Variants in NBAS observed in about 807,000 individuals in gnomAD.
The protein encoded by NBAS is NAG/BC035112 fusion.
Under a neutral mutation model 302.5 loss-of-function variants are expected in NBAS, and 219 were observed. The observed-to-expected ratio is 0.72, with a 90% CI of 0.65 to 0.81. NBAS has a LOEUF of 0.81. Among genes scored for constraint, NBAS ranks in the 30% least tolerant of loss-of-function variants. The probability of loss-of-function intolerance (pLI) is 0.00; values close to 1 mark genes in which losing one functional copy is unlikely to be tolerated. For missense variants in NBAS, 2,932 were observed against 2,841.6 expected, an observed-to-expected ratio of 1.03 and a Z score of -0.72; for synonymous variants, 1,118 against 1,021.6, an observed-to-expected ratio of 1.09 and a Z score of -1.80.
intron 38 of NBAS, among the ~76,000 whole-genome samples, chr2:15,310,122 T>G (rs1360992555): frequency 6.6e-6 from 1 of 152,238 alleles, no homozygotes; most frequent in Non-Finnish European, 1.5e-5. Context: ...ACCCTCCCAA[T>G]TATGTCTTAC....
chr2:14,877,765 TATTA>T, the NBAS span, among the ~76,000 whole-genome samples: 1 of 152,216 alleles, frequency 6.6e-6, no homozygotes, highest in Non-Finnish European at 1.5e-5. Flanking sequence ...CAGACACTAC[TATTA>T]ATTAAGTCCT....
chr2:14,850,870 T>C, the NBAS span, among the ~76,000 whole-genome samples: 2 of 123,968 alleles, frequency 1.6e-5, no homozygotes, highest in Non-Finnish European at 3.2e-5. Context: ...AAAGATGTTC[T>C]TTGAAACCAA....
the NBAS span, among the ~76,000 whole-genome samples, chr2:14,861,223 T>C: frequency 6.6e-6 from 1 of 152,236 alleles, no homozygotes; most frequent in Non-Finnish European, 1.5e-5. Flanking sequence ...ACAATGAATC[T>C]AATTCAGATA....
intron 21 of NBAS, among the ~76,000 whole-genome samples, chr2:15,448,806 T>C (rs1455037684): frequency 6.6e-6 from 1 of 152,050 alleles, no homozygotes; most frequent in Admixed American, 6.6e-5. Context: ...TATCAGAAAT[T>C]AGAAAAAGGG....
At chr2:15,204,850 G>A (rs1666064936) in intron 48 of NBAS, among the ~76,000 whole-genome samples, 1 of 152,002 alleles carries the variant, frequency 6.6e-6, no homozygotes, top group African/African-American at 2.4e-5. Flanking sequence ...CATACACTGG[G>A]GCCTGTCATG....
chr2:14,898,935 G>C, the NBAS span, among the ~76,000 whole-genome samples: 3 of 152,264 alleles, frequency 2.0e-5, no homozygotes, highest in Non-Finnish European at 2.9e-5. Context: ...CGTTTCTGTA[G>C]TTTGGGAACT....
In NBAS at chr2:15,328,247, C is replaced by T; in HGVS notation, c.4413G>A (p.Gly1471=). 2 of 1,613,948 alleles carry T rather than the reference C, an allele frequency of 1.2e-6. No individual in the cohort carries two copies. The highest frequency in any genetic ancestry group is 1.7e-6 in the Non-Finnish European group (2 of 1,179,916). Reference sequence around the variant, plus strand: ...TGACAGATTCATAAAAAGGATGACACCCTTGTTTCTCTAGATCTTCATTGG... The same window carrying T: ...TGACAGATTCATAAAAAGGATGACATCCTTGTTTCTCTAGATCTTCATTGG... ...TTANEDLEKQ[G]CHPFYESVIS... Residue 1471 remains glycine, a synonymous_variant, in exon 37 of 52, where the codon GGG becomes GGA. Transcript: ENST00000281513.
chr2:15,195,377 C>T (rs1391112863), intron 48 of NBAS, among the ~76,000 whole-genome samples: 4 of 152,208 alleles, frequency 2.6e-5, no homozygotes, highest in Admixed American at 2.6e-4. Flanking sequence ...GGGTTATATA[C>T]ATACTGTCTG....
the NBAS span, among the ~76,000 whole-genome samples, chr2:14,797,131 C>T: frequency 1.4e-4 from 21 of 145,132 alleles, no homozygotes; most frequent in East Asian, 3.4e-3. Context: ...ACAGACTCAG[C>T]CACTGGGGGA....
intron 32 of NBAS, among the ~76,000 whole-genome samples, chr2:15,358,123 G>A (rs1445591457): frequency 6.6e-6 from 1 of 152,054 alleles, no homozygotes; most frequent in Non-Finnish European, 1.5e-5. Flanking sequence ...AGGTAACTAT[G>A]GCAACCAAAT....
intron 38 of NBAS, among the ~76,000 whole-genome samples, chr2:15,317,645 C>T (rs1671577907): frequency 6.6e-6 from 1 of 151,988 alleles, no homozygotes; most frequent in Admixed American, 6.6e-5. Flanking sequence ...GGAAGAGTAT[C>T]AGTGATTGAA....
the NBAS span, among the ~76,000 whole-genome samples, chr2:14,840,142 T>G: frequency 1.3e-5 from 2 of 151,630 alleles, no homozygotes; most frequent in African/African-American, 2.4e-5. Context: ...TTTGCCAAAT[T>G]GAAAAATTAA....
At chr2:15,518,066 G>C (rs1356471667) in intron 9 of NBAS, among the ~76,000 whole-genome samples, 1 of 135,110 alleles carries the variant, frequency 7.4e-6, no homozygotes. Flanking sequence ...TTAAAAAGAA[G>C]AACATCAAGA....
the NBAS span, among the ~76,000 whole-genome samples, chr2:15,147,657 A>G: frequency 6.6e-6 from 1 of 152,112 alleles, no homozygotes; most frequent in Non-Finnish European, 1.5e-5. Context: ...CCTAATTTGT[A>G]GCTAATTGAT....
At position 15,427,835 on chromosome 2, in the gene NBAS, C is replaced by G. The variant is rs946750646; in HGVS notation, c.2340-41G>C. ...AAATAAGTGTTTAAAATTCACATTA[C>G]CTCAATGACTTAGCCACACAAGGAG... On this transcript the variant is annotated intron_variant, in intron 21 of 51. Coordinates refer to ENST00000281513, the MANE Select transcript of NBAS (RefSeq NM_015909.4). The G allele has an allele frequency of 2.1e-6, 3 of 1,461,554 alleles. No individual in the cohort carries two copies. In the African/African-American group the frequency reaches 4.2e-5, roughly 20 times the overall value. The allele number at this position is 1,461,554 out of a possible 1,614,324, so 90.5% of individuals were successfully genotyped here.
the NBAS span, among the ~76,000 whole-genome samples, chr2:15,074,521 C>A: frequency 3.3e-5 from 5 of 151,326 alleles, no homozygotes; most frequent in Non-Finnish European, 5.9e-5. Context: ...CTTATATAGA[C>A]AAGAAGTCAC....
chr2:15,424,518 A>G lies in NBAS; in HGVS notation c.2424-50T>C. ...AATAACTGACTAGAATGTTGGAAAA[A>G]CATATAATTTTGTGAGAGAAAGACA... On this transcript the variant is annotated intron_variant, in intron 22 of 51. Coordinates refer to ENST00000281513, the MANE Select transcript of NBAS (RefSeq NM_015909.4). 28 of 1,601,584 alleles carry G rather than the reference A, an allele frequency of 1.7e-5. 1 individual carries two copies. Among genetic ancestry groups the G allele is most frequent in the Non-Finnish European group, 2.3e-5 (27 of 1,168,926 alleles).
chr2:15,286,953 C>CT (rs756151785), intron 42 of NBAS, 120 bp downstream of exon 42: 5 of 753,776 alleles, frequency 6.6e-6, no homozygotes, highest in Non-Finnish European at 1.2e-5. Context: ...TACCAAGACA[C>CT]TAGTCCACTG....
chr2:14,829,324 G>A, the NBAS span, among the ~76,000 whole-genome samples: 70 of 152,188 alleles, frequency 4.6e-4, no homozygotes, highest in African/African-American at 1.5e-3. Context: ...ATTATTTCCA[G>A]AGACGTAGAA....
Sources: allele counts gnomAD v4.1 joint callset (sites outside exome capture counted in the v4.1 genomes callset), GRCh38; gene constraint gnomAD v4.1.1; transcripts MANE v1.5; gene names NCBI Gene and HGNC (gene_info 2026-07-23, HGNC 2026-07-21).